The following FHOD3 variants were observed in gnomAD, a reference collection of about 807,000 sequenced individuals.
FHOD3 encodes FH1/FH2 domain-containing protein 3.
FHOD3 carries 90 observed loss-of-function variants against 173.0 expected under a neutral mutation model. That is an observed-to-expected ratio of 0.52 (90% confidence interval 0.44 to 0.62). FHOD3 has a LOEUF of 0.62. Among genes scored for constraint, FHOD3 ranks in the 20% least tolerant of loss-of-function variants. FHOD3 has a pLI of 0.00. For missense variants in FHOD3, 1,945 were observed against 2,034.7 expected (o/e 0.96, Z 0.85); for synonymous variants, 828 against 823.0 (o/e 1.01, Z -0.10).
chr18:36,652,626 G>A lies in FHOD3; in HGVS notation c.1343G>A (p.Ser448Asn). 2 of 1,535,280 alleles carry A rather than the reference G, an allele frequency of 1.3e-6. No homozygotes were observed. Among genetic ancestry groups the A allele is most frequent in the South Asian group, 1.2e-5 (1 of 84,006 alleles). Residue 448 changes from serine to asparagine, a missense_variant, in exon 12 of 29, where the codon AGC (serine) becomes AAC (asparagine). Physicochemically the swap from Ser to Asn is conservative, Grantham distance 46. Coordinates refer to ENST00000590592, the MANE Select transcript of FHOD3 (RefSeq NM_001281740.3). ...SPTGRDAAPK[S>N]SALPAVSNAS... is the part of the protein sequence containing the mutation. ...ACTGGAAGGGATGCTGCTCCCAAGA[G>A]CTCTGCCCTCCCTGCTGTCTCGAAT...
chr18:36,502,224 T>G (rs2055068942), intron 4 of FHOD3, among the ~76,000 whole-genome samples: 1 of 150,328 alleles, frequency 6.7e-6, no homozygotes, highest in Non-Finnish European at 1.5e-5. Flanking sequence ...CACATATTTT[T>G]CCATATTTAC....
At chr18:36,349,400 G>A (rs1340730555) in intron 1 of FHOD3, among the ~76,000 whole-genome samples, 1 of 152,194 alleles carries the variant, frequency 6.6e-6, no homozygotes, top group East Asian at 1.9e-4. Context: ...AAATCACATT[G>A]GGAGGATGTG....
chr18:36,454,722 C>T (rs1384928903), intron 3 of FHOD3, among the ~76,000 whole-genome samples: 2 of 151,844 alleles, frequency 1.3e-5, no homozygotes, highest in Non-Finnish European at 2.9e-5. Context: ...TCTGTCTGGG[C>T]TTCATCTCCC....
chr18:36,406,104 T>G (rs916646981), intron 3 of FHOD3, among the ~76,000 whole-genome samples: 17 of 150,748 alleles, frequency 1.1e-4, no homozygotes, highest in African/African-American at 4.1e-4. Context: ...TGTTTTTTTG[T>G]TTTTGTTTTT....
chr18:36,604,357 A>G (rs1599841240), intron 8 of FHOD3, among the ~76,000 whole-genome samples: 1 of 152,364 alleles, frequency 6.6e-6, no homozygotes, highest in African/African-American at 2.4e-5. Flanking sequence ...AGAAAGCAGT[A>G]TAATTATGAA....
chr18:36,529,420 T>C (rs1236984930), intron 5 of FHOD3, among the ~76,000 whole-genome samples: 3 of 151,852 alleles, frequency 2.0e-5, no homozygotes, highest in South Asian at 2.1e-4. Flanking sequence ...AGAGGCTTCA[T>C]TGAATAAGTG....
intron 1 of FHOD3, among the ~76,000 whole-genome samples, chr18:36,315,372 A>G (rs1294106448): frequency 6.6e-6 from 1 of 152,032 alleles, no homozygotes. Flanking sequence ...TTGGCCACCC[A>G]AGAGCTCTGG....
rs1334818579 is a variant in FHOD3 at position 36,658,176 on chromosome 18, C to A, written c.1823C>A (p.Ala608Asp). The part of the protein sequence containing the change: ...PTSSVSPPQE[A>D]RLERSSPSGL... ...TCATCCGTCTCACCCCCACAGGAGG[C>A]CAGGTTGGAAAGGTGAGTTCGACAA... Residue 608 changes from alanine (A) to aspartate (D), a missense_variant, in exon 14 of 29, where the codon GCC becomes GAC. Transcript: ENST00000590592. 1 of 1,583,426 alleles carries A rather than the reference C, an allele frequency of 6.3e-7. No individual in the cohort carries two copies. Among genetic ancestry groups the A allele is most frequent in the Non-Finnish European group, 8.6e-7 (1 of 1,167,884 alleles).
At chr18:36,561,760 A>G (rs974451371) in intron 5 of FHOD3, among the ~76,000 whole-genome samples, 1 of 152,088 alleles carries the variant, frequency 6.6e-6, no homozygotes, top group Non-Finnish European at 1.5e-5. Context: ...TACACTATCA[A>G]TTTAGAGCTA....
intron 27 of FHOD3, among the ~76,000 whole-genome samples, chr18:36,762,839 A>G (rs1032252622): frequency 2.0e-5 from 3 of 147,930 alleles, no homozygotes; most frequent in Admixed American, 6.8e-5. Context: ...ATATATTATA[A>G]ATATATAATC....
intron 3 of FHOD3, among the ~76,000 whole-genome samples, chr18:36,401,634 C>G (rs1419367683): frequency 6.6e-6 from 1 of 152,204 alleles, no homozygotes; most frequent in Non-Finnish European, 1.5e-5. Context: ...CTGAGCCTCA[C>G]TTTCCCAATG....
At chr18:36,394,881 A>G (rs928523195) in intron 3 of FHOD3, among the ~76,000 whole-genome samples, 5 of 152,220 alleles carry the variant, frequency 3.3e-5, no homozygotes, top group African/African-American at 4.8e-5. Context: ...CGTGTTGTAT[A>G]CATGTATATT....
At chr18:36,352,504 A>G (rs1598808279) in intron 1 of FHOD3, among the ~76,000 whole-genome samples, 1 of 152,302 alleles carries the variant, frequency 6.6e-6, no homozygotes, top group Non-Finnish European at 1.5e-5. Context: ...GCGACTGTGC[A>G]TTGGTGGCTT....
intron 3 of FHOD3, among the ~76,000 whole-genome samples, chr18:36,466,196 G>C (rs773401471): frequency 6.6e-6 from 1 of 152,144 alleles, no homozygotes; most frequent in Non-Finnish European, 1.5e-5. Flanking sequence ...AGGCTATCCC[G>C]CAGAGACATG....
chr18:36,340,927 G>A (rs1235860503), intron 1 of FHOD3, among the ~76,000 whole-genome samples: 1 of 152,066 alleles, frequency 6.6e-6, no homozygotes, highest in African/African-American at 2.4e-5. Context: ...GTGAGCCACC[G>A]CGCCCGGCCA....
chr18:36,604,607 GC>G (rs1183550899), intron 8 of FHOD3, among the ~76,000 whole-genome samples: 1 of 152,066 alleles, frequency 6.6e-6, no homozygotes, highest in Admixed American at 6.6e-5. Flanking sequence ...ACCACAGTAA[GC>G]CCCAAGGAGC....
At chr18:36,727,379 C>A (rs895650477) in intron 19 of FHOD3, among the ~76,000 whole-genome samples, 1 of 152,140 alleles carries the variant, frequency 6.6e-6, no homozygotes, top group African/African-American at 2.4e-5. Context: ...ACCCAACCCA[C>A]TCCCTCATCT....
chr18:36,334,303 C>T (rs2045186203), intron 1 of FHOD3, among the ~76,000 whole-genome samples: 1 of 152,154 alleles, frequency 6.6e-6, no homozygotes, highest in African/African-American at 2.4e-5. Context: ...AGCAAAGGCA[C>T]CCAAGTTAAG....
At chr18:36,307,331 A>G (rs1239466132) in intron 1 of FHOD3, among the ~76,000 whole-genome samples, 1 of 152,218 alleles carries the variant, frequency 6.6e-6, no homozygotes. Flanking sequence ...ATATCTCCAC[A>G]GATGGGGATG....
Sources: gnomAD v4.1 joint callset for allele counts (sites outside exome capture counted in the v4.1 genomes callset) on GRCh38, gnomAD v4.1.1 for gene constraint, MANE v1.5 for transcripts, NCBI Gene and HGNC (gene_info 2026-07-23, HGNC 2026-07-21) for gene names.